The following CA13 variants were observed in gnomAD, a reference collection of about 807,000 sequenced individuals.
CA13 encodes CA-XIII.
In CA13, 21 loss-of-function variants were observed where a neutral mutation model predicts 31.5. The ratio of observed to expected loss-of-function variants is 0.67; its 90% CI spans 0.47 to 0.96. The LOEUF (loss-of-function observed/expected upper bound fraction) is 0.96, where lower values mean the gene tolerates loss of function less well. Ranked by LOEUF, CA13 falls within the 40% of genes least tolerant of loss-of-function variation. CA13 has a pLI of 0.00. For synonymous variants in CA13, 117 were observed against 111.4 expected (o/e 1.05, Z -0.32); for missense variants, 315 against 318.9 (o/e 0.99, Z 0.09).
At chr8:85,269,902 A>T (rs569208782) in intron 6 of CA13, among the ~76,000 whole-genome samples, 2 of 152,052 alleles carry the variant, frequency 1.3e-5, no homozygotes, top group African/African-American at 4.8e-5. Flanking sequence ...TTTTGTGTAG[A>T]CAGGGTCTTG....
chr8:85,273,853 C>T (rs1464074902), intron 6 of CA13, among the ~76,000 whole-genome samples: 4 of 152,012 alleles, frequency 2.6e-5, no homozygotes, highest in Non-Finnish European at 5.9e-5. Flanking sequence ...GCTGTTTTAA[C>T]GAGTGCCTGG....
At chr8:85,246,760 G>C (rs1487997354) in intron 1 of CA13, among the ~76,000 whole-genome samples, 1 of 152,002 alleles carries the variant, frequency 6.6e-6, no homozygotes, top group Non-Finnish European at 1.5e-5. Context: ...TCAAAATTAA[G>C]GCTTAGTTTA....
chr8:85,264,003 T>G (rs1807422244), intron 3 of CA13, among the ~76,000 whole-genome samples: 1 of 152,176 alleles, frequency 6.6e-6, no homozygotes, highest in African/African-American at 2.4e-5. Flanking sequence ...AAAAGACATT[T>G]AAAGTTGCAA....
intron 6 of CA13, among the ~76,000 whole-genome samples, chr8:85,280,935 C>T (rs1041933802): frequency 1.3e-5 from 2 of 152,078 alleles, no homozygotes; most frequent in African/African-American, 4.8e-5. Flanking sequence ...CATTGAAAAA[C>T]ATTCTCTGAT....
chr8:85,267,541 A>T lies in CA13; in HGVS notation c.451-361A>T, dbSNP rs145907981. 9.9e-4 allele frequency among the ~76,000 whole-genome samples: 151 copies of T among 152,256 alleles called. 1 individual carries two copies. The East Asian group carries it at 0.02, about 20-fold the overall frequency. On this transcript the variant is annotated intron_variant, in intron 4 of 6. Coordinates refer to ENST00000321764, the MANE Select transcript of CA13 (RefSeq NM_198584.3). The stretch of plus-strand genomic sequence containing the variant: ...ATTGTCCGTTTGAATTGAGGGGCTG[A>T]CTGTCACATCTAGCTTAGTAGTGCA...
At position 85,277,350 on chromosome 8, in the gene CA13, C is replaced by G. The variant is rs1807627498; in HGVS notation, c.670-3880C>G. On this transcript the variant is annotated intron_variant, in intron 6 of 6. Coordinates refer to ENST00000321764, the MANE Select transcript of CA13 (RefSeq NM_198584.3). The stretch of plus-strand genomic sequence containing the variant: ...CTCCAGACATGCGCGGCCTTAAGAG[C>G]TGTAACACTCACCGGGAAGCTCTGC... Among the ~76,000 whole-genome samples the G allele has an allele frequency of 2.6e-5, 4 of 152,030 alleles. No individual in the cohort carries two copies. The South Asian group carries it at 8.3e-4, about 32-fold the overall frequency.
chr8:85,279,883 G>T (rs989252385), intron 6 of CA13, among the ~76,000 whole-genome samples: 3 of 152,138 alleles, frequency 2.0e-5, no homozygotes, highest in African/African-American at 7.2e-5. Context: ...ATTCTCTTCA[G>T]CCTCATGTGG....
Position 85,283,492 on chromosome 8 carries a change from A to G in CA13, c.*2143A>G, listed in dbSNP as rs1807738270. 1 of 152,644 alleles carries G rather than the reference A, an allele frequency of 6.6e-6. No homozygotes were observed. Among genetic ancestry groups the G allele is most frequent in the African/African-American group, 2.4e-5 (1 of 41,446 alleles). The allele number at this position is 152,644 out of a possible 1,614,324, so 9.5% of individuals were successfully genotyped here. Reference sequence around the variant, plus strand: ...TATCTCTCTGCTTGAAATTAAATGCACTATAAGTTAATATAACAAGTAAAA... The same window carrying G: ...TATCTCTCTGCTTGAAATTAAATGCGCTATAAGTTAATATAACAAGTAAAA... On this transcript the variant is annotated 3_prime_UTR_variant, in exon 7 of 7. Coordinates refer to ENST00000321764, the MANE Select transcript of CA13 (RefSeq NM_198584.3).
At position 85,283,610 on chromosome 8, in the gene CA13, T is replaced by A. The variant is rs1388372247; in HGVS notation, c.*2261T>A. On this transcript the variant is annotated 3_prime_UTR_variant, in exon 7 of 7. Coordinates refer to ENST00000321764, the MANE Select transcript of CA13 (RefSeq NM_198584.3). Reference sequence around the variant, plus strand: ...AGTTCTAATGGTTTTTAAAAACCAGTGTTGAGTGGAAAAGTGTTTCTTTAG... The same window carrying A: ...AGTTCTAATGGTTTTTAAAAACCAGAGTTGAGTGGAAAAGTGTTTCTTTAG... The A allele has an allele frequency of 1.3e-5, 2 of 152,584 alleles. No individual in the cohort carries two copies. Among genetic ancestry groups the A allele is most frequent in the Non-Finnish European group, 2.9e-5 (2 of 68,028 alleles). The allele number at this position is 152,584 out of a possible 1,614,324, so 9.5% of individuals were successfully genotyped here.
chr8:85,253,252 C>CTTATTTAT (rs140596684), intron 2 of CA13, among the ~76,000 whole-genome samples: 4 of 149,512 alleles, frequency 2.7e-5, no homozygotes, highest in Non-Finnish European at 5.9e-5. Flanking sequence ...GCCTTTTTTT[C>CTTATTTAT]TTATTTATTT....
At chr8:85,250,470 G>A (rs1024443729) in intron 1 of CA13, among the ~76,000 whole-genome samples, 3 of 150,212 alleles carry the variant, frequency 2.0e-5, no homozygotes, top group African/African-American at 5.1e-5. Context: ...CCTTTGGAGA[G>A]TATTTTATAA....
At chr8:85,280,779 T>C (rs1807691233) in intron 6 of CA13, among the ~76,000 whole-genome samples, 1 of 152,104 alleles carries the variant, frequency 6.6e-6, no homozygotes, top group Non-Finnish European at 1.5e-5. Flanking sequence ...CAACAAAAAA[T>C]AGTGATGTAG....
intron 3 of CA13, 103 bp from the exon 4 acceptor site, chr8:85,266,505 A>C (rs1323710573): frequency 1.3e-6 from 1 of 761,994 alleles, no homozygotes; most frequent in African/African-American, 1.7e-5. Context: ...TACATTATAC[A>C]TAAGTGTACA....
At chr8:85,268,747 A>G in intron 6 of CA13, 120 bp downstream of exon 6, 1 of 835,540 alleles carries the variant, frequency 1.2e-6, no homozygotes, top group Non-Finnish European at 1.8e-6. Flanking sequence ...CTCTTTATTC[A>G]TCAGACGGGT....
At chr8:85,245,976 T>C in intron 1 of CA13, 111 bp downstream of exon 1, 1 of 1,262,426 alleles carries the variant, frequency 7.9e-7, no homozygotes, top group Non-Finnish European at 1.1e-6. Flanking sequence ...GAGAAACTTT[T>C]TCGGTTCCTC....
At chr8:85,253,236 C>T (rs960927123) in intron 2 of CA13, among the ~76,000 whole-genome samples, 20 of 150,532 alleles carry the variant, frequency 1.3e-4, no homozygotes, top group African/African-American at 4.9e-4. Flanking sequence ...TGAGCCACTG[C>T]GCCCAGCCTT....
At chr8:85,268,701 T>C (rs984027895) in intron 6 of CA13, 74 bp downstream of exon 6, 2 of 1,253,824 alleles carry the variant, frequency 1.6e-6, no homozygotes, top group Admixed American at 2.4e-5. Context: ...TTTTCAACCC[T>C]GCCCTTAATT....
rs1004248267 is a variant in CA13, at chr8:85,251,042, G to A, written c.235+105G>A. On this transcript the variant is annotated intron_variant, in intron 2 of 6. Coordinates refer to ENST00000321764, the MANE Select transcript of CA13 (RefSeq NM_198584.3). ...TTTTGAGACAGAGTCTCGCTCTGTCGCCAGGCTGAAGTGTAGTGGCGCGAT... is the reference window on the plus strand; with the variant it reads ...TTTTGAGACAGAGTCTCGCTCTGTCACCAGGCTGAAGTGTAGTGGCGCGAT... The A allele has an allele frequency of 9.4e-5, 92 of 979,026 alleles. No individual in the cohort carries two copies. The African/African-American group carries it at 9.5e-4, about 10-fold the overall frequency. The allele number at this position is 979,026 out of a possible 1,614,324, so 60.6% of individuals were successfully genotyped here.
At chr8:85,249,130 C>T (rs1264098042) in intron 1 of CA13, among the ~76,000 whole-genome samples, 1 of 152,044 alleles carries the variant, frequency 6.6e-6, no homozygotes, top group African/African-American at 2.4e-5. Flanking sequence ...CTTTTTGTGC[C>T]TGAAGCATAT....
Sources: gnomAD v4.1 joint callset for allele counts (sites outside exome capture counted in the v4.1 genomes callset) on GRCh38, gnomAD v4.1.1 for gene constraint, MANE v1.5 for transcripts, NCBI Gene and HGNC (gene_info 2026-07-23, HGNC 2026-07-21) for gene names.